The following CPED1 variants were observed in gnomAD, a reference collection of about 807,000 sequenced individuals.
CPED1 encodes cadherin-like and PC-esterase domain-containing protein 1.
CPED1 carries 114 observed loss-of-function variants against 128.2 expected under a neutral mutation model. The ratio of observed to expected loss-of-function variants is 0.89; its 90% confidence interval spans 0.76 to 1.04. The LOEUF is 1.04. Among genes scored for constraint, CPED1 ranks in the 50% least tolerant of loss-of-function variants. The pLI is 0.00. For synonymous variants in CPED1, 462 were observed against 426.7 expected (o/e 1.08, Z -1.02); for missense variants, 1,211 against 1,207.1 (o/e 1.00, Z -0.05).
chr7:121,264,286 T>G (rs1310434180), intron 18 of CPED1, among the ~76,000 whole-genome samples: 1 of 152,114 alleles, frequency 6.6e-6, no homozygotes. Context: ...GTTGCATAAC[T>G]GCTGATATCT....
chr7:121,090,007 G>T (rs955497946), intron 5 of CPED1, among the ~76,000 whole-genome samples: 7 of 152,180 alleles, frequency 4.6e-5, no homozygotes, highest in African/African-American at 1.7e-4. Context: ...TGAAGTAGTA[G>T]TCTAGATACA....
rs78157698 is a variant in CPED1 at position 121,141,691 on chromosome 7, A to T, written c.1887-282A>T. 3.5e-3 allele frequency among the ~76,000 whole-genome samples: 528 copies of T among 152,194 alleles called. 2 individuals are homozygous for T. Among genetic ancestry groups the T allele is most frequent in the South Asian group, 6.0e-3 (29 of 4,822 alleles). On this transcript the variant is annotated intron_variant, in intron 15 of 22. Coordinates refer to ENST00000310396, the MANE Select transcript of CPED1 (RefSeq NM_024913.5). The stretch of plus-strand genomic sequence containing the variant: ...AATGGGGACAATCCTATTGTATTAA[A>T]TGAGATAATGTGTGACCCTGGCAGG...
chr7:121,078,829 G>T (rs1463520148), intron 5 of CPED1, among the ~76,000 whole-genome samples: 1 of 152,156 alleles, frequency 6.6e-6, no homozygotes, highest in Non-Finnish European at 1.5e-5. Flanking sequence ...GTTTGCTAGG[G>T]CTGCCGTAAC....
At chr7:121,032,949 A>G (rs1792773863) in intron 3 of CPED1, among the ~76,000 whole-genome samples, 2 of 152,168 alleles carry the variant, frequency 1.3e-5, no homozygotes, top group Admixed American at 6.5e-5. Flanking sequence ...ATTACTCATT[A>G]CCCAGCTTCC....
chr7:121,217,612 G>A (rs1797786320), intron 16 of CPED1, among the ~76,000 whole-genome samples: 1 of 151,932 alleles, frequency 6.6e-6, no homozygotes, highest in Non-Finnish European at 1.5e-5. Context: ...AGTTTTGGGG[G>A]TATTCATGAA....
chr7:121,186,041 G>A (rs1162295749), intron 16 of CPED1, among the ~76,000 whole-genome samples: 1 of 152,038 alleles, frequency 6.6e-6, no homozygotes, highest in Non-Finnish European at 1.5e-5. Context: ...TTTTTCCACT[G>A]GCTATTCTTG....
chr7:121,137,584 G>A (rs897584418), intron 14 of CPED1, among the ~76,000 whole-genome samples: 1 of 152,052 alleles, frequency 6.6e-6, no homozygotes, highest in African/African-American at 2.4e-5. Flanking sequence ...ATGGTAGGCT[G>A]AGAGGTTATA....
Position 121,053,230 on chromosome 7 carries a change from C to T in CPED1, c.540+6237C>T, listed in dbSNP as rs1016495303. Among the ~76,000 whole-genome samples, 96 of 152,246 alleles carry T rather than the reference C, an allele frequency of 6.3e-4. 1 individual carries two copies. The highest frequency in any genetic ancestry group is 4.0e-4 in the Non-Finnish European group (27 of 68,008). ...TTGCATCTTTTAAAAAAAATGTTTGCCCCTTTTCTGCTCTAGGAACCTATC... is the reference window on the plus strand; with the variant it reads ...TTGCATCTTTTAAAAAAAATGTTTGTCCCTTTTCTGCTCTAGGAACCTATC... On this transcript the variant is annotated intron_variant, in intron 4 of 22. Transcript: ENST00000310396.
At chr7:121,058,010 T>C (rs1367556153) in intron 4 of CPED1, among the ~76,000 whole-genome samples, 1 of 151,742 alleles carries the variant, frequency 6.6e-6, no homozygotes, top group Non-Finnish European at 1.5e-5. Context: ...CTGGGGTAAA[T>C]CCACCAAGAC....
chr7:121,280,284 G>C (rs528724284), intron 22 of CPED1, among the ~76,000 whole-genome samples: 3 of 152,184 alleles, frequency 2.0e-5, no homozygotes, highest in Non-Finnish European at 4.4e-5. Flanking sequence ...TTGAGTTTAA[G>C]ACAGGGGAAT....
At chr7:121,210,046 G>A (rs755832635) in intron 16 of CPED1, among the ~76,000 whole-genome samples, 3 of 151,998 alleles carry the variant, frequency 2.0e-5, no homozygotes, top group Non-Finnish European at 4.4e-5. Context: ...TGACCAACAG[G>A]TATATGAAAA....
At chr7:121,100,159 C>A in intron 7 of CPED1, 65 bp downstream of exon 7, 2 of 1,435,086 alleles carry the variant, frequency 1.4e-6, no homozygotes, top group Non-Finnish European at 1.9e-6. Context: ...GTGAGTTGGG[C>A]TGCCATTTTC....
chr7:121,130,021 A>C, intron 11 of CPED1, 104 bp from the exon 12 acceptor site: 8 of 1,003,250 alleles, frequency 8.0e-6, no homozygotes, highest in Non-Finnish European at 1.0e-5. Context: ...GATTTTTAAC[A>C]AATATCTGAC....
chr7:121,020,555 T>C (rs1792413700), intron 3 of CPED1, among the ~76,000 whole-genome samples: 1 of 151,986 alleles, frequency 6.6e-6, no homozygotes, highest in South Asian at 2.1e-4. Context: ...AAGTTGATGA[T>C]TCAACTCTAG....
Position 121,050,596 on chromosome 7 carries a change from T to A in CPED1, c.540+3603T>A, listed in dbSNP as rs545392968. On this transcript the variant is annotated intron_variant, in intron 4 of 22. Coordinates refer to ENST00000310396, the MANE Select transcript of CPED1 (RefSeq NM_024913.5). ...CTTCTGCCTCAGCCTCTGGAGCAGC[T>A]GGGATTACAGGCGTCTGCCACCACA... is the stretch of plus-strand genomic sequence containing the variant. Among the ~76,000 whole-genome samples the A allele has an allele frequency of 3.3e-3, 498 of 151,930 alleles. 1 individual carries two copies. Among genetic ancestry groups the A allele is most frequent in the African/African-American group, 0.011 (472 of 41,442 alleles).
chr7:121,199,709 G>GAAAGAA (rs1797351807), intron 16 of CPED1, among the ~76,000 whole-genome samples: 1 of 131,490 alleles, frequency 7.6e-6, no homozygotes, highest in Non-Finnish European at 1.6e-5. Flanking sequence ...AAGAAAGAAA[G>GAAAGAA]AAAGAAAGAA....
At chr7:121,220,323 C>T (rs566719966) in intron 16 of CPED1, among the ~76,000 whole-genome samples, 2 of 152,132 alleles carry the variant, frequency 1.3e-5, no homozygotes, top group African/African-American at 2.4e-5. Flanking sequence ...CATGGTTTCA[C>T]CCAGCTCTAG....
chr7:121,263,556 A>G (rs1792060633), intron 18 of CPED1, among the ~76,000 whole-genome samples: 1 of 152,024 alleles, frequency 6.6e-6, no homozygotes, highest in Non-Finnish European at 1.5e-5. Context: ...TTTGTCTAAA[A>G]TCATCTAGTT....
intron 3 of CPED1, among the ~76,000 whole-genome samples, chr7:121,037,502 C>A (rs983124997): frequency 1.3e-5 from 2 of 152,040 alleles, no homozygotes; most frequent in African/African-American, 4.8e-5. Context: ...GTCTATGTGC[C>A]TATTTTTATA....
Sources: gnomAD v4.1 joint callset for allele counts (sites outside exome capture counted in the v4.1 genomes callset) on GRCh38, gnomAD v4.1.1 for gene constraint, MANE v1.5 for transcripts, NCBI Gene and HGNC (gene_info 2026-07-23, HGNC 2026-07-21) for gene names.